Variants in MICU1 observed in about 807,000 individuals in gnomAD.
The protein encoded by MICU1 is mitochondrial calcium uptake 1.
In MICU1, 45 loss-of-function variants were observed where a neutral mutation model predicts 56.8. That is an observed-to-expected ratio of 0.79 (90% CI 0.62 to 1.02). MICU1 has a LOEUF of 1.02. MICU1 is among the 50% of genes least tolerant of loss of function. MICU1 has a pLI of 0.00. For missense variants in MICU1, 504 were observed against 587.1 expected, an observed-to-expected ratio of 0.86 and a Z score of 1.46; for synonymous variants, 186 against 195.1, an observed-to-expected ratio of 0.95 and a Z score of 0.39.
intron 8 of MICU1, among the ~76,000 whole-genome samples, chr10:72,446,666 T>C (rs1865115825): frequency 6.6e-6 from 1 of 152,206 alleles, no homozygotes; most frequent in Admixed American, 6.5e-5. Flanking sequence ...CTAAATATTT[T>C]TAGTGTAGAG....
At chr10:72,540,996 G>A (rs1412230262) in intron 4 of MICU1, among the ~76,000 whole-genome samples, 1 of 152,210 alleles carries the variant, frequency 6.6e-6, no homozygotes, top group African/African-American at 2.4e-5. Flanking sequence ...ACAACCTCTA[G>A]CCTATCTACA....
At chr10:72,460,495 AG>A (rs1195081377) in intron 8 of MICU1, among the ~76,000 whole-genome samples, 2 of 152,206 alleles carry the variant, frequency 1.3e-5, no homozygotes, top group Non-Finnish European at 2.9e-5. Context: ...GAGGGAGAAA[AG>A]GCATCCAATA....
intron 8 of MICU1, among the ~76,000 whole-genome samples, chr10:72,432,328 C>T (rs1411596054): frequency 1.3e-5 from 2 of 151,990 alleles, no homozygotes; most frequent in African/African-American, 4.8e-5. Context: ...CGGGGTTTTC[C>T]TCTGTTGCCC....
At chr10:72,604,579 C>CTT (rs911426871) in intron 1 of MICU1, among the ~76,000 whole-genome samples, 3 of 144,798 alleles carry the variant, frequency 2.1e-5, no homozygotes, top group African/African-American at 7.5e-5. Context: ...GGCCTTCTGC[C>CTT]TTTTTTTTTT....
chr10:72,558,052 C>A (rs536840120), intron 3 of MICU1, among the ~76,000 whole-genome samples: 10 of 152,268 alleles, frequency 6.6e-5, no homozygotes, highest in African/African-American at 2.4e-4. Flanking sequence ...TCAGAAACAA[C>A]AATGCAGGCA....
chr10:72,614,864 T>A (rs1050395512), intron 1 of MICU1, among the ~76,000 whole-genome samples: 3 of 152,228 alleles, frequency 2.0e-5, no homozygotes, highest in Non-Finnish European at 2.9e-5. Flanking sequence ...AATGTGAATG[T>A]ACTTAATGCC....
intron 2 of MICU1, among the ~76,000 whole-genome samples, chr10:72,563,473 A>G (rs1840349650): frequency 6.6e-6 from 1 of 152,242 alleles, no homozygotes; most frequent in East Asian, 1.9e-4. Context: ...TAAACCAGTC[A>G]CAAAACCACA....
chr10:72,401,299 G>A (rs759841195), intron 10 of MICU1, among the ~76,000 whole-genome samples: 3 of 152,182 alleles, frequency 2.0e-5, no homozygotes, highest in African/African-American at 4.8e-5. Flanking sequence ...AGTATACAAT[G>A]TGATGTTTTG....
At chr10:72,443,309 AT>A (rs1374734791) in intron 8 of MICU1, among the ~76,000 whole-genome samples, 8 of 152,002 alleles carry the variant, frequency 5.3e-5, no homozygotes, top group African/African-American at 1.9e-4. Context: ...ATTTTCTCCC[AT>A]TTTGTGGGTT....
chr10:72,590,748 G>A (rs568383459), intron 1 of MICU1, among the ~76,000 whole-genome samples: 2 of 152,046 alleles, frequency 1.3e-5, no homozygotes, highest in South Asian at 4.2e-4. Flanking sequence ...GGGAGGCGGA[G>A]GTTGCAGTGA....
intron 11 of MICU1, among the ~76,000 whole-genome samples, chr10:72,371,148 G>A (rs892357738): frequency 6.6e-6 from 1 of 152,112 alleles, no homozygotes; most frequent in African/African-American, 2.4e-5. Context: ...CACTTTGGGA[G>A]GCCGAGACGG....
At chr10:72,575,875 C>T (rs949161682) in intron 1 of MICU1, among the ~76,000 whole-genome samples, 1 of 152,050 alleles carries the variant, frequency 6.6e-6, no homozygotes, top group Admixed American at 6.6e-5. Context: ...TCTAAATGAA[C>T]GTTCAAGTGA....
At chr10:72,495,514 A>G (rs1866807056) in intron 6 of MICU1, among the ~76,000 whole-genome samples, 1 of 152,002 alleles carries the variant, frequency 6.6e-6, no homozygotes, top group South Asian at 2.1e-4. Context: ...AAATTAGCTG[A>G]GCGTGGTGGC....
intron 8 of MICU1, among the ~76,000 whole-genome samples, chr10:72,471,028 G>A (rs981171661): frequency 6.6e-6 from 1 of 152,088 alleles, no homozygotes; most frequent in African/African-American, 2.4e-5. Flanking sequence ...CTATGTGTAG[G>A]AACACATGCA....
chr10:72,386,184 CT>C (rs1296470099), intron 10 of MICU1, among the ~76,000 whole-genome samples: 18 of 148,968 alleles, frequency 1.2e-4, no homozygotes, highest in Middle Eastern at 3.4e-3. Context: ...TTGGGAATGT[CT>C]TTTTTTTTTG....
At chr10:72,522,224 A>G (rs1372523061) in intron 5 of MICU1, among the ~76,000 whole-genome samples, 1 of 152,134 alleles carries the variant, frequency 6.6e-6, no homozygotes, top group Non-Finnish European at 1.5e-5. Context: ...GTGCTAAAAT[A>G]TAAGAAAAAA....
chr10:72,439,037 C>G (rs977073974), intron 8 of MICU1, among the ~76,000 whole-genome samples: 4 of 152,292 alleles, frequency 2.6e-5, no homozygotes, highest in African/African-American at 7.2e-5. Context: ...GGAATCCTCC[C>G]TAACTCATTT....
chr10:72,500,537 G>C (rs1357518006), intron 6 of MICU1, among the ~76,000 whole-genome samples: 1 of 151,448 alleles, frequency 6.6e-6, no homozygotes, highest in East Asian at 1.9e-4. Flanking sequence ...GGCCAGGCTG[G>C]TCTCCAACTC....
At chr10:72,547,928 C>G (rs2132437183) in intron 4 of MICU1, among the ~76,000 whole-genome samples, 1 of 152,338 alleles carries the variant, frequency 6.6e-6, no homozygotes, top group South Asian at 2.1e-4. Context: ...CAGAGCTCAA[C>G]TCCCCTTAGC....
Sources: allele counts gnomAD v4.1 joint callset (sites outside exome capture counted in the v4.1 genomes callset), GRCh38; gene constraint gnomAD v4.1.1; transcripts MANE v1.5; gene names NCBI Gene and HGNC (gene_info 2026-07-23, HGNC 2026-07-21).